FANCD2: variants seen among roughly 807,000 people sequenced by gnomAD.
FANCD2 encodes Fanconi anemia group D2 protein.
FANCD2 carries 131 observed loss-of-function variants against 192.3 expected under a neutral mutation model. The observed-to-expected ratio is 0.68, with a 90% CI of 0.59 to 0.79. The LOEUF is 0.79. Among genes scored for constraint, FANCD2 ranks in the 30% least tolerant of loss-of-function variants. The pLI, the probability that FANCD2 is intolerant of heterozygous loss-of-function variation, is 0.00. For missense variants in FANCD2, 1,508 were observed against 1,701.6 expected (o/e 0.89, Z 2.00); for synonymous variants, 524 against 612.5 (o/e 0.86, Z 2.13).
At chr3:10,046,018 T>TGTA (rs1340692940) in intron 14 of FANCD2, among the ~76,000 whole-genome samples, 4 of 151,460 alleles carry the variant, frequency 2.6e-5, no homozygotes, top group African/African-American at 9.7e-5. Flanking sequence ...GAGTTACTTC[T>TGTA]GTAGTAATAT....
intron 29 of FANCD2, among the ~76,000 whole-genome samples, chr3:10,075,489 G>T (rs1693483211): frequency 6.6e-6 from 1 of 152,034 alleles, no homozygotes; most frequent in African/African-American, 2.4e-5. Flanking sequence ...CGGCCCCATA[G>T]CTTTATTGAT....
At chr3:10,042,139 A>T (rs1290643382) in intron 10 of FANCD2, among the ~76,000 whole-genome samples, 3 of 149,814 alleles carry the variant, frequency 2.0e-5, no homozygotes, top group Non-Finnish European at 1.5e-5. Flanking sequence ...CTTGTTTTCC[A>T]CCCCCCTCGG....
intron 7 of FANCD2, among the ~76,000 whole-genome samples, chr3:10,038,721 C>T (rs1029021944): frequency 6.6e-6 from 1 of 151,834 alleles, no homozygotes; most frequent in Admixed American, 6.6e-5. Flanking sequence ...GCTGGGATTA[C>T]AGGTACCCAC....
At chr3:10,039,668 C>A in intron 8 of FANCD2, 53 bp from the exon 9 acceptor site, 1 of 1,608,424 alleles carries the variant, frequency 6.2e-7, no homozygotes, top group South Asian at 1.1e-5. Flanking sequence ...CGTAGGTAGT[C>A]TTTCTTTATT....
chr3:10,037,379 A>G (rs975903444), intron 7 of FANCD2, among the ~76,000 whole-genome samples: 4 of 152,226 alleles, frequency 2.6e-5, no homozygotes, highest in Non-Finnish European at 1.5e-5. Context: ...GTGAATAGGC[A>G]TGCTTGTACG....
chr3:10,088,744 T>C (rs1694394355), intron 35 of FANCD2, 84 bp from the exon 36 acceptor site: 2 of 1,452,266 alleles, frequency 1.4e-6, no homozygotes, highest in Non-Finnish European at 9.7e-7. Flanking sequence ...TTATTGTTAA[T>C]TCAGATCATA....
At chr3:10,085,134 A>C (rs553112950) in intron 32 of FANCD2, among the ~76,000 whole-genome samples, 1 of 152,332 alleles carries the variant, frequency 6.6e-6, no homozygotes, top group Non-Finnish European at 1.5e-5. Context: ...TGACAAAATT[A>C]TTCCTGTATT....
At chr3:10,043,321 C>T (rs1223719927) in intron 12 of FANCD2, among the ~76,000 whole-genome samples, 163 bp from the exon 13 acceptor site, 2 of 152,100 alleles carry the variant, frequency 1.3e-5, no homozygotes, top group Non-Finnish European at 2.9e-5. Flanking sequence ...TATATATTTT[C>T]TTAGCCATTC....
Position 10,064,391 on chromosome 3 carries a change from G to C in FANCD2, c.1983G>C (p.Gln661His), listed in dbSNP as rs747832380. 2 of 1,613,696 alleles carry C rather than the reference G, an allele frequency of 1.2e-6. No individual in the cohort carries two copies. Among genetic ancestry groups the C allele is most frequent in the African/African-American group, 2.7e-5 (2 of 74,914 alleles). Residue 661 changes from glutamine (Q) to histidine (H), a missense_variant, in exon 22 of 44, where the codon CAG becomes CAC. Around this residue, in one of 5 missense-constraint regions of FANCD2, gnomAD observed 59 missense variants for 111.9 expected, o/e 0.53. Coordinates refer to ENST00000675286, the MANE Select transcript of FANCD2 (RefSeq NM_001018115.3). ...GGCATACCATCTGTAATGATTTCCA[G>C]GATGCCTTCGTAGTGGACTCCTGTG... ...WVGHTICNDF[Q>H]DAFVVDSCVV...
At chr3:10,066,817 C>T (rs931509477) in intron 25 of FANCD2, among the ~76,000 whole-genome samples, 2 of 152,152 alleles carry the variant, frequency 1.3e-5, no homozygotes, top group East Asian at 1.9e-4. Flanking sequence ...CTCCGCCTCC[C>T]AGGTTCAGGC....
In FANCD2 at chr3:10,074,570, A is replaced by AT. The variant is rs1693432220; in HGVS notation, c.2757dup (p.Asn920Ter). 2.5e-6 allele frequency: 4 copies of AT among 1,613,904 alleles called. No homozygotes were observed. Among genetic ancestry groups the AT allele is most frequent in the Non-Finnish European group, 3.4e-6 (4 of 1,179,884 alleles). On this transcript the variant is annotated frameshift_variant, in exon 29 of 44. Coordinates refer to ENST00000675286, the MANE Select transcript of FANCD2 (RefSeq NM_001018115.3). LOFTEE classifies it high-confidence loss of function. ...GAAGAAAAGACATCATTGTTACTAC[A>AT]TAATTCCCATGCTTTTTTCCGAGAG...
chr3:10,058,825 C>T (rs1479795765), intron 18 of FANCD2, among the ~76,000 whole-genome samples: 1 of 152,000 alleles, frequency 6.6e-6, no homozygotes, highest in Non-Finnish European at 1.5e-5. Flanking sequence ...AGTTTGGGGT[C>T]CCTTGAAATT....
intron 30 of FANCD2, among the ~76,000 whole-genome samples, chr3:10,079,598 T>A: frequency 6.6e-6 from 1 of 152,182 alleles, no homozygotes; most frequent in East Asian, 1.9e-4. Flanking sequence ...AGTGCTGGGA[T>A]TATAGGCGTG....
chr3:10,027,374 C>T (rs1039261347), intron 1 of FANCD2, among the ~76,000 whole-genome samples: 1 of 152,124 alleles, frequency 6.6e-6, no homozygotes, highest in Admixed American at 6.6e-5. Flanking sequence ...AATTTCCAGG[C>T]AAATAAGAGC....
intron 17 of FANCD2, among the ~76,000 whole-genome samples, chr3:10,050,491 C>A (rs745705212): frequency 6.6e-6 from 1 of 151,748 alleles, no homozygotes; most frequent in African/African-American, 2.4e-5. Context: ...GGCATCGTGG[C>A]GGTCGCCTGT....
At chr3:10,068,999 A>G (rs2087795733) in intron 26 of FANCD2, among the ~76,000 whole-genome samples, 1 of 152,252 alleles carries the variant, frequency 6.6e-6, no homozygotes, top group Non-Finnish European at 1.5e-5. Context: ...AAAATGGATT[A>G]TAGACTTAAA....
chr3:10,036,236 C>T, intron 6 of FANCD2, 51 bp from the exon 7 acceptor site: 9 of 1,464,658 alleles, frequency 6.1e-6, no homozygotes, highest in Non-Finnish European at 8.6e-6. Context: ...TTATACATTT[C>T]TATTGTGTAT....
At chr3:10,064,998 G>A in intron 23 of FANCD2, 123 bp downstream of exon 23, 2 of 1,061,206 alleles carry the variant, frequency 1.9e-6, no homozygotes, top group Non-Finnish European at 2.9e-6. Flanking sequence ...ATTTGGAGAG[G>A]TTAGGGAGAA....
chr3:10,056,612 G>A (rs1559384660), intron 18 of FANCD2, among the ~76,000 whole-genome samples: 2 of 152,064 alleles, frequency 1.3e-5, no homozygotes, highest in Non-Finnish European at 2.9e-5. Context: ...CTTCACTGCA[G>A]CCTGGAAATC....
Sources: gnomAD v4.1 joint callset for allele counts (sites outside exome capture counted in the v4.1 genomes callset) on GRCh38, gnomAD v4.1.1 for gene constraint, gnomAD v4.1.1 regional missense constraint, MANE v1.5 for transcripts, NCBI Gene and HGNC (gene_info 2026-07-23, HGNC 2026-07-21) for gene names.